CTDSPL: variants seen among roughly 807,000 people sequenced by gnomAD.
CTDSPL encodes the protein CTD small phosphatase like.
A neutral mutation model predicts 30.5 loss-of-function variants in CTDSPL; 8 were observed. That is an observed-to-expected ratio of 0.26 (90% CI 0.15 to 0.47). The LOEUF (loss-of-function observed/expected upper bound fraction) is 0.47, where lower values mean the gene tolerates loss of function less well. Among genes scored for constraint, CTDSPL ranks in the 20% least tolerant of loss-of-function variants. CTDSPL has a pLI of 0.99. For synonymous variants in CTDSPL, 110 were observed against 137.9 expected (o/e 0.80, Z 1.42); for missense variants, 248 against 366.1 (o/e 0.68, Z 2.63).
At chr3:37,921,584 G>A (rs185721973) in intron 1 of CTDSPL, among the ~76,000 whole-genome samples, 74 of 149,556 alleles carry the variant, frequency 4.9e-4, no homozygotes, top group African/African-American at 1.8e-3. Flanking sequence ...GAAGATGGTC[G>A]ATATAAGAAA....
At chr3:37,930,979 TA>T in intron 1 of CTDSPL, among the ~76,000 whole-genome samples, 1 of 152,312 alleles carries the variant, frequency 6.6e-6, no homozygotes, top group Non-Finnish European at 1.5e-5. Context: ...TTTGGTCTGA[TA>T]TAAGTATGGC....
chr3:37,895,380 T>G (rs1245251795), intron 1 of CTDSPL, among the ~76,000 whole-genome samples: 1 of 152,178 alleles, frequency 6.6e-6, no homozygotes, highest in African/African-American at 2.4e-5. Flanking sequence ...GCCAAAGATT[T>G]GGGCAGTTTT....
intron 5 of CTDSPL, among the ~76,000 whole-genome samples, chr3:37,969,653 T>A (rs1699343147): frequency 2.0e-5 from 3 of 151,916 alleles, no homozygotes; most frequent in Admixed American, 6.6e-5. Flanking sequence ...CAACGAGGAG[T>A]CTTGTGGGCA....
chr3:37,927,680 A>G (rs146647949), intron 1 of CTDSPL, among the ~76,000 whole-genome samples: 1,243 of 79,010 alleles, frequency 0.016, 7 homozygotes, highest in Non-Finnish European at 0.025. Context: ...GTGTGTGTGT[A>G]TGTGTATATA....
At position 37,866,747 on chromosome 3, in the gene CTDSPL, A is replaced by T. The variant is rs191545454; in HGVS notation, c.79+4469A>T. The stretch of plus-strand genomic sequence containing the variant: ...CTAAGGTGCTAGGTGTGTTTCCTTT[A>T]AATGTTTGTAATACTCAGTGTTAAT... On this transcript the variant is annotated intron_variant, in intron 1 of 7. Coordinates refer to ENST00000273179, the MANE Select transcript of CTDSPL (RefSeq NM_001008392.2). Among the ~76,000 whole-genome samples, 69 of 152,324 alleles carry T rather than the reference A, an allele frequency of 4.5e-4. No individual in the cohort carries two copies. In the East Asian group the frequency reaches 0.013, roughly 28 times the overall value.
intron 1 of CTDSPL, among the ~76,000 whole-genome samples, chr3:37,937,213 G>A (rs1203777622): frequency 6.7e-6 from 1 of 150,092 alleles, no homozygotes; most frequent in African/African-American, 2.4e-5. Flanking sequence ...GGGGGCTTGT[G>A]GCTTATCTGA....
At chr3:37,945,819 G>GCTTTTCAGTCC (rs1176996286) in intron 1 of CTDSPL, among the ~76,000 whole-genome samples, 2 of 152,186 alleles carry the variant, frequency 1.3e-5, no homozygotes, top group African/African-American at 4.8e-5. Context: ...TGGAATAACA[G>GCTTTTCAGTCC]CTTTTCAGTC....
At chr3:37,968,103 G>A in intron 5 of CTDSPL, 2 of 514,008 alleles carry the variant, frequency 3.9e-6, no homozygotes, top group Non-Finnish European at 6.9e-6. Flanking sequence ...AGATGCGGTT[G>A]CAAGTTCAAA....
intron 1 of CTDSPL, among the ~76,000 whole-genome samples, chr3:37,932,781 C>T (rs1335603971): frequency 2.0e-5 from 3 of 152,212 alleles, no homozygotes; most frequent in Non-Finnish European, 4.4e-5. Flanking sequence ...AGAGGCTTGA[C>T]ATTTTTTCAG....
chr3:37,955,015 C>G (rs1157041882), intron 2 of CTDSPL: 5 of 152,192 alleles, frequency 3.3e-5, no homozygotes, highest in Non-Finnish European at 7.3e-5. Context: ...TTGTTGTGAT[C>G]TTGCGCGTCG....
At chr3:37,957,084 AATG>A in intron 2 of CTDSPL, 24 bp from the exon 3 acceptor site, 1 of 1,591,790 alleles carries the variant, frequency 6.3e-7, no homozygotes, top group Non-Finnish European at 8.6e-7. Context: ...CGAACCTGAC[AATG>A]ATTTTTTTTT....
At chr3:37,872,688 C>T (rs141194141) in intron 1 of CTDSPL, among the ~76,000 whole-genome samples, 1,756 of 150,774 alleles carry the variant, frequency 0.012, 36 homozygotes, top group African/African-American at 0.04. Context: ...GATTCTCCTG[C>T]CTAAGCCTCC....
At chr3:37,932,083 T>C (rs1698861683) in intron 1 of CTDSPL, among the ~76,000 whole-genome samples, 1 of 151,962 alleles carries the variant, frequency 6.6e-6, no homozygotes, top group Admixed American at 6.6e-5. Context: ...GAGAATGGAA[T>C]GGAAGAGAAC....
chr3:37,929,019 A>G (rs1426246578), intron 1 of CTDSPL, among the ~76,000 whole-genome samples: 3 of 152,212 alleles, frequency 2.0e-5, no homozygotes. Flanking sequence ...TGCCAGCACC[A>G]TGTCTTGAAA....
chr3:37,971,557 C>T, intron 6 of CTDSPL, 58 bp downstream of exon 6: 1 of 1,480,032 alleles, frequency 6.8e-7, no homozygotes, highest in Admixed American at 1.8e-5. Flanking sequence ...CCCTCCACCC[C>T]TACCCCCAAT....
intron 1 of CTDSPL, among the ~76,000 whole-genome samples, chr3:37,896,217 T>C (rs1698388593): frequency 6.6e-6 from 1 of 152,188 alleles, no homozygotes; most frequent in African/African-American, 2.4e-5. Context: ...GAATGCAGAA[T>C]TTGATACATC....
intron 2 of CTDSPL, 33 bp from the exon 3 acceptor site, chr3:37,957,078 C>T (rs1699182715): frequency 6.3e-7 from 1 of 1,583,594 alleles, no homozygotes; most frequent in Admixed American, 1.7e-5. Context: ...TCTCTTCGAA[C>T]CTGACAATGA....
At chr3:37,980,154 CCT>C (rs1435513753) in intron 7 of CTDSPL, among the ~76,000 whole-genome samples, 1 of 152,224 alleles carries the variant, frequency 6.6e-6, no homozygotes, top group Non-Finnish European at 1.5e-5. Flanking sequence ...CCTCCCCACT[CCT>C]CTGCCTAAAA....
rs555531642 is a variant in CTDSPL, at chr3:37,894,084, CTGTTT to C, written c.79+31813_79+31817del. 4.8e-4 allele frequency among the ~76,000 whole-genome samples: 73 copies of C among 152,010 alleles called. 1 individual carries two copies. The South Asian group carries it at 0.011, about 23-fold the overall frequency. On this transcript the variant is annotated intron_variant, in intron 1 of 7. Coordinates refer to ENST00000273179, the MANE Select transcript of CTDSPL (RefSeq NM_001008392.2). ...GGATATAGAATTCTGGGATGAAGTT[CTGTTT>C]TGTTTTAAGAGAAAAGATCTCACGG... is the stretch of plus-strand genomic sequence containing the variant.
Sources: allele counts gnomAD v4.1 joint callset (sites outside exome capture counted in the v4.1 genomes callset), GRCh38; gene constraint gnomAD v4.1.1; transcripts MANE v1.5; gene names NCBI Gene and HGNC (gene_info 2026-07-23, HGNC 2026-07-21).